Variants in MCTP2 observed in about 807,000 individuals in gnomAD.
The protein encoded by MCTP2 is multiple C2 and transmembrane domain-containing protein 2.
MCTP2 carries 132 observed loss-of-function variants against 111.6 expected under a neutral mutation model. The observed-to-expected ratio is 1.18, with a 90% CI of 1.03 to 1.37. MCTP2 has a LOEUF of 1.37. MCTP2 is among the 40% of genes most tolerant of loss of function. MCTP2 has a pLI of 0.00. For synonymous variants in MCTP2, 395 were observed against 387.7 expected (o/e 1.02, Z -0.22); for missense variants, 1,183 against 1,067.9 (o/e 1.11, Z -1.50).
chr15:94,273,997 C>A, intron 1 of MCTP2: 1 of 218,350 alleles, frequency 4.6e-6, no homozygotes. Context: ...TGAGAAAATG[C>A]AGGAATGAAT....
chr15:94,266,628 A>G (rs2073551513), intron 1 of MCTP2, among the ~76,000 whole-genome samples: 1 of 152,160 alleles, frequency 6.6e-6, no homozygotes, highest in Non-Finnish European at 1.5e-5. Flanking sequence ...CCATTGCTGT[A>G]GTTGGGCGGT....
At chr15:94,358,639 G>A (rs202078233) in intron 10 of MCTP2, 27 bp downstream of exon 10, 20 of 1,611,236 alleles carry the variant, frequency 1.2e-5, no homozygotes, top group Middle Eastern at 3.3e-4. Flanking sequence ...TTCCAGTGGC[G>A]GGAGCATGTT....
chr15:94,320,122 G>A (rs1357660065), intron 4 of MCTP2, among the ~76,000 whole-genome samples: 3 of 150,012 alleles, frequency 2.0e-5, no homozygotes, highest in Non-Finnish European at 4.4e-5. Flanking sequence ...TGTATTAGGA[G>A]GGAGAATAGT....
At chr15:94,392,249 G>A (rs1555465402) in intron 14 of MCTP2, among the ~76,000 whole-genome samples, 2 of 152,008 alleles carry the variant, frequency 1.3e-5, no homozygotes, top group South Asian at 2.1e-4. Context: ...GCAGGTGCCT[G>A]TAGTCCCAGC....
At chr15:94,450,039 A>G (rs534834665) in intron 19 of MCTP2, among the ~76,000 whole-genome samples, 24 of 152,096 alleles carry the variant, frequency 1.6e-4, no homozygotes, top group African/African-American at 5.5e-4. Flanking sequence ...GTATCTTCCT[A>G]TTGAGCTGAC....
At chr15:94,361,130 T>A (rs1461519768) in intron 10 of MCTP2, among the ~76,000 whole-genome samples, 1 of 148,196 alleles carries the variant, frequency 6.7e-6, no homozygotes, top group Non-Finnish European at 1.5e-5. Context: ...CACATTTGCT[T>A]TTCTTTGTGA....
intron 13 of MCTP2, among the ~76,000 whole-genome samples, chr15:94,384,880 G>T (rs962683828): frequency 1.3e-5 from 2 of 152,064 alleles, no homozygotes; most frequent in Non-Finnish European, 2.9e-5. Flanking sequence ...TCCCTAACAC[G>T]TTGCCAATGG....
chr15:94,375,245 C>T (rs894396676), intron 12 of MCTP2, among the ~76,000 whole-genome samples: 1 of 152,048 alleles, frequency 6.6e-6, no homozygotes, highest in African/African-American at 2.4e-5. Context: ...AAGAGGATAG[C>T]GCTAAACCAT....
In MCTP2 at chr15:94,423,742, A is replaced by C. The variant is rs535317135; in HGVS notation, c.2086-16434A>C. Among the ~76,000 whole-genome samples, 18 of 152,252 alleles carry C rather than the reference A, an allele frequency of 1.2e-4. 1 individual carries two copies. In the South Asian group the frequency reaches 3.7e-3, roughly 32 times the overall value. On this transcript the variant is annotated intron_variant, in intron 17 of 22. Coordinates refer to ENST00000357742, the MANE Select transcript of MCTP2 (RefSeq NM_001385001.1). ...GTGGCTGCTTGGGAACCCTGAAATC[A>C]TGGCTTTTGAAAGCATTCCTAGGCC...
intron 20 of MCTP2, among the ~76,000 whole-genome samples, chr15:94,468,816 T>C (rs1196317636): frequency 6.6e-6 from 1 of 151,900 alleles, no homozygotes; most frequent in Non-Finnish European, 1.5e-5. Flanking sequence ...TTAGTAGAGA[T>C]GAGATTTCAC....
intron 8 of MCTP2, among the ~76,000 whole-genome samples, chr15:94,346,719 C>T (rs11074266): frequency 0.45 from 68,581 of 151,896 alleles, 15,698 homozygotes; most frequent in African/African-American, 0.52. Flanking sequence ...GATTGTGAGC[C>T]TGGGGAATAT....
intron 19 of MCTP2, 33 bp downstream of exon 19, chr15:94,442,993 A>C (rs2083869930): frequency 1.2e-6 from 2 of 1,600,964 alleles, no homozygotes; most frequent in African/African-American, 2.7e-5. Context: ...ACACACAAAA[A>C]AACACTAGTG....
Position 94,457,125 on chromosome 15 carries a change from A to T in MCTP2, c.2251-1012A>T, listed in dbSNP as rs1159839871. Among the ~76,000 whole-genome samples the T allele has an allele frequency of 4.6e-5, 7 of 152,200 alleles. No individual in the cohort carries two copies. In the East Asian group the frequency reaches 1.3e-3, roughly 29 times the overall value. The stretch of plus-strand genomic sequence containing the variant: ...CAACTAAAATTCTATATAGGAAAAA[A>T]GTTCTGTAAGAACTATTTGAGGTTT... On this transcript the variant is annotated intron_variant, in intron 19 of 22. Transcript: ENST00000357742.
At position 94,255,448 on chromosome 15, in the gene MCTP2, A is replaced by G. The variant is rs972764167; in HGVS notation, c.-66+23784A>G. On this transcript the variant is annotated intron_variant, in intron 1 of 22. Coordinates refer to ENST00000357742, the MANE Select transcript of MCTP2 (RefSeq NM_001385001.1). ...TTAGATATAGATGGCTAGATTATTA[A>G]CTTTTTAGCAGTTTGACTTTCGTCA... Among the ~76,000 whole-genome samples the G allele has an allele frequency of 4.6e-5, 7 of 152,028 alleles. No individual in the cohort carries two copies. The South Asian group carries it at 1.2e-3, about 27-fold the overall frequency.
At chr15:94,439,163 T>C (rs1014524098) in intron 17 of MCTP2, among the ~76,000 whole-genome samples, 11 of 152,156 alleles carry the variant, frequency 7.2e-5, no homozygotes, top group Non-Finnish European at 1.6e-4. Context: ...TTATTTACAA[T>C]GGGCACCAAA....
At chr15:94,240,155 T>C (rs889506300) in intron 1 of MCTP2, among the ~76,000 whole-genome samples, 6 of 152,204 alleles carry the variant, frequency 3.9e-5, no homozygotes, top group African/African-American at 1.4e-4. Flanking sequence ...GTATATTTTA[T>C]TTTGTGTACT....
chr15:94,459,846 T>C lies in MCTP2; in HGVS notation c.2360+1600T>C, dbSNP rs182978617. Among the ~76,000 whole-genome samples, 427 of 152,318 alleles carry C rather than the reference T, an allele frequency of 2.8e-3. 1 individual carries two copies. The highest frequency in any genetic ancestry group is 9.4e-3 in the African/African-American group (392 of 41,576). On this transcript the variant is annotated intron_variant, in intron 20 of 22. Coordinates refer to ENST00000357742, the MANE Select transcript of MCTP2 (RefSeq NM_001385001.1). ...ACCAACTGTTATCGCATGCCAGCCATGCACTCTTCTAAGCCCTTTAAACAC... is the reference window on the plus strand; with the variant it reads ...ACCAACTGTTATCGCATGCCAGCCACGCACTCTTCTAAGCCCTTTAAACAC...
Position 94,298,256 on chromosome 15 carries a change from T to C in MCTP2, c.-10T>C. The C allele has an allele frequency of 6.3e-7, 1 of 1,590,394 alleles. No homozygotes were observed. The highest frequency in any genetic ancestry group is 8.6e-7 in the Non-Finnish European group (1 of 1,168,426). ...TTCTGAGAAGTGGCTTCTTGGGTCT[T>C]CATGCAGCCATGGATCTGGATAAAC... On this transcript the variant is annotated 5_prime_UTR_variant, in exon 2 of 23. Coordinates refer to ENST00000357742, the MANE Select transcript of MCTP2 (RefSeq NM_001385001.1).
chr15:94,467,368 TC>T (rs2073447578), intron 20 of MCTP2, among the ~76,000 whole-genome samples: 3 of 152,222 alleles, frequency 2.0e-5, no homozygotes, highest in Non-Finnish European at 2.9e-5. Flanking sequence ...GGGGCAAATT[TC>T]TTTTTCCTTA....
Sources: gnomAD v4.1 joint callset for allele counts (sites outside exome capture counted in the v4.1 genomes callset) on GRCh38, gnomAD v4.1.1 for gene constraint, MANE v1.5 for transcripts, NCBI Gene and HGNC (gene_info 2026-07-23, HGNC 2026-07-21) for gene names.